Variants in CADPS2 observed in about 807,000 individuals in gnomAD.
The protein encoded by CADPS2 is calcium dependent secretion activator 2.
A neutral mutation model predicts 172.5 loss-of-function variants in CADPS2; 93 were observed. The observed-to-expected ratio is 0.54, with a 90% CI of 0.46 to 0.64. The LOEUF (loss-of-function observed/expected upper bound fraction) is 0.64. Ranked by LOEUF, CADPS2 falls within the 30% of genes least tolerant of loss-of-function variation. The pLI is 0.00. For missense variants in CADPS2, 1,420 were observed against 1,565.9 expected (o/e 0.91, Z 1.57); for synonymous variants, 546 against 555.2 (o/e 0.98, Z 0.23).
intron 28 of CADPS2, among the ~76,000 whole-genome samples, chr7:122,338,104 TA>T (rs2036178213): frequency 6.6e-6 from 1 of 152,274 alleles, no homozygotes; most frequent in East Asian, 1.9e-4. Flanking sequence ...TGTTTATAAA[TA>T]AATTGCCTCA....
In CADPS2 at chr7:122,630,472, A is replaced by G. The variant is rs540691999; in HGVS notation, c.787-1144T>C. Among the ~76,000 whole-genome samples the G allele has an allele frequency of 7.2e-5, 11 of 152,206 alleles. No individual in the cohort carries two copies. In the East Asian group the frequency reaches 1.7e-3, roughly 24 times the overall value. On this transcript the variant is annotated intron_variant, in intron 3 of 29. Transcript: ENST00000449022. ...AGACACACACAGTGGTTCTTTTGGA[A>G]TGGGATACCAGAAGAGGCAGGGTGA...
intron 1 of CADPS2, among the ~76,000 whole-genome samples, chr7:122,833,322 T>C (rs887787181): frequency 1.3e-5 from 2 of 152,186 alleles, no homozygotes; most frequent in East Asian, 3.8e-4. Flanking sequence ...AAAGAATTAA[T>C]AAATTGATAT....
At chr7:122,597,752 T>C (rs1008865540) in intron 6 of CADPS2, among the ~76,000 whole-genome samples, 1 of 152,106 alleles carries the variant, frequency 6.6e-6, no homozygotes, top group African/African-American at 2.4e-5. Flanking sequence ...TCACAAACAT[T>C]AAGCTAACCA....
At chr7:122,410,601 T>G (rs1051163309) in intron 19 of CADPS2, among the ~76,000 whole-genome samples, 5 of 152,088 alleles carry the variant, frequency 3.3e-5, no homozygotes, top group African/African-American at 1.2e-4. Context: ...TTTATTTATC[T>G]GCAAATAGGC....
At chr7:122,621,441 T>G in intron 5 of CADPS2, 40 bp downstream of exon 5, 2 of 1,279,286 alleles carry the variant, frequency 1.6e-6, no homozygotes, top group Non-Finnish European at 2.2e-6. Flanking sequence ...TGCATCATCA[T>G]TTATGCTGTC....
intron 27 of CADPS2, among the ~76,000 whole-genome samples, chr7:122,353,285 A>C (rs949660038): frequency 2.1e-4 from 32 of 152,208 alleles, no homozygotes; most frequent in Admixed American, 2.1e-3. Flanking sequence ...GGTAAGAACC[A>C]CCTTTTGGGG....
intron 2 of CADPS2, among the ~76,000 whole-genome samples, chr7:122,715,892 C>T (rs1231824102): frequency 1.3e-5 from 2 of 152,096 alleles, no homozygotes; most frequent in Non-Finnish European, 2.9e-5. Flanking sequence ...GAGCTGTAAT[C>T]TTCTATCTAC....
intron 2 of CADPS2, among the ~76,000 whole-genome samples, chr7:122,713,096 C>CATAA (rs1363961997): frequency 4.6e-5 from 7 of 152,098 alleles, no homozygotes; most frequent in Middle Eastern, 3.4e-3. Flanking sequence ...ATATTTCATA[C>CATAA]AATGAAAAAC....
chr7:122,697,250 TAAG>T (rs1228040191), intron 2 of CADPS2, among the ~76,000 whole-genome samples: 7 of 152,032 alleles, frequency 4.6e-5, no homozygotes, highest in South Asian at 2.1e-4. Flanking sequence ...TTATCAAGAA[TAAG>T]AATAATAAGA....
intron 1 of CADPS2, among the ~76,000 whole-genome samples, chr7:122,848,520 C>A (rs1812645932): frequency 6.6e-6 from 1 of 152,154 alleles, no homozygotes; most frequent in South Asian, 2.1e-4. Context: ...CAGATGCTAT[C>A]AGTATCTGTC....
chr7:122,438,194 C>A (rs2050892980), intron 17 of CADPS2, 147 bp downstream of exon 17: 6 of 960,790 alleles, frequency 6.2e-6, no homozygotes, highest in Non-Finnish European at 9.2e-6. Context: ...AAAAGCTCTT[C>A]AGTTCACCAG....
intron 7 of CADPS2, among the ~76,000 whole-genome samples, chr7:122,559,290 C>T (rs1171745198): frequency 2.6e-5 from 4 of 152,190 alleles, no homozygotes; most frequent in South Asian, 2.1e-4. Context: ...CACATGATTC[C>T]AATGCTGACA....
chr7:122,811,740 C>T (rs1460627626), intron 1 of CADPS2, among the ~76,000 whole-genome samples: 1 of 151,906 alleles, frequency 6.6e-6, no homozygotes, highest in African/African-American at 2.4e-5. Context: ...ATAAAAGTAC[C>T]TTGTTCTCCT....
chr7:122,649,712 C>G (rs2078932836), intron 3 of CADPS2, among the ~76,000 whole-genome samples: 1 of 152,050 alleles, frequency 6.6e-6, no homozygotes, highest in African/African-American at 2.4e-5. Flanking sequence ...ATGCACTGAT[C>G]AACTATACCA....
intron 8 of CADPS2, among the ~76,000 whole-genome samples, chr7:122,538,416 A>G (rs2062561769): frequency 6.6e-6 from 1 of 151,060 alleles, no homozygotes; most frequent in South Asian, 2.1e-4. Flanking sequence ...AAAAAAAAAA[A>G]AAGAACATTT....
At chr7:122,840,769 A>G (rs573997757) in intron 1 of CADPS2, among the ~76,000 whole-genome samples, 1 of 152,184 alleles carries the variant, frequency 6.6e-6, no homozygotes, top group African/African-American at 2.4e-5. Flanking sequence ...GCCCACTATC[A>G]CCATTAATAT....
chr7:122,845,353 G>C (rs535649669), intron 1 of CADPS2, among the ~76,000 whole-genome samples: 1 of 152,226 alleles, frequency 6.6e-6, no homozygotes, highest in South Asian at 2.1e-4. Flanking sequence ...AAAGAAAATG[G>C]GTAAAGGTTT....
At chr7:122,448,330 G>A (rs1253344796) in intron 15 of CADPS2, among the ~76,000 whole-genome samples, 1 of 152,026 alleles carries the variant, frequency 6.6e-6, no homozygotes, top group Non-Finnish European at 1.5e-5. Context: ...AGAACAGCAT[G>A]GGGGAAACCT....
At chr7:122,809,471 C>T (rs1254921697) in intron 1 of CADPS2, among the ~76,000 whole-genome samples, 1 of 150,962 alleles carries the variant, frequency 6.6e-6, no homozygotes, top group Non-Finnish European at 1.5e-5. Flanking sequence ...ATCCCAGCTA[C>T]TCGGGAGGCT....
Sources: gnomAD v4.1 joint callset for allele counts (sites outside exome capture counted in the v4.1 genomes callset) on GRCh38, gnomAD v4.1.1 for gene constraint, MANE v1.5 for transcripts, NCBI Gene and HGNC (gene_info 2026-07-23, HGNC 2026-07-21) for gene names.